Variants in EXT1 observed in about 807,000 individuals in gnomAD.
EXT1 encodes exostosin glycosyltransferase 1.
In EXT1, 20 loss-of-function variants were observed where a neutral mutation model predicts 82.5. That is an observed-to-expected ratio of 0.24 (90% CI 0.17 to 0.35). The LOEUF is 0.35. Among genes scored for constraint, EXT1 ranks in the 10% least tolerant of loss-of-function variants. EXT1 has a pLI of 1.00. For synonymous variants in EXT1, 348 were observed against 350.8 expected, an observed-to-expected ratio of 0.99 and a Z score of 0.09; for missense variants, 757 against 936.5, an observed-to-expected ratio of 0.81 and a Z score of 2.50.
intron 1 of EXT1, among the ~76,000 whole-genome samples, chr8:118,038,861 A>G (rs1271921922): frequency 1.3e-5 from 2 of 152,258 alleles, no homozygotes; most frequent in African/African-American, 4.8e-5. Flanking sequence ...CATGGCCTGA[A>G]CATGGCGTCT....
chr8:117,952,926 T>C (rs1005917330), intron 1 of EXT1, among the ~76,000 whole-genome samples: 10 of 152,356 alleles, frequency 6.6e-5, no homozygotes, highest in Non-Finnish European at 1.3e-4. Flanking sequence ...TATTCATCAA[T>C]TGACATATTA....
At chr8:118,091,676 C>T (rs1299369553) in intron 1 of EXT1, among the ~76,000 whole-genome samples, 4 of 152,072 alleles carry the variant, frequency 2.6e-5, no homozygotes, top group Non-Finnish European at 5.9e-5. Flanking sequence ...ACCTGGGAAG[C>T]GGAGCTTGCA....
At position 117,812,919 on chromosome 8, in the gene EXT1, C is replaced by CTGTGATGA; in HGVS notation, c.1667_1674dup (p.Asp559SerfsTer65). ...TCCTCGTCAAGGCTGAGCACGGCGT[C>CTGTGATGA]TGTGATGATGTTGTCGTAGGGCAGA... On this transcript the variant is annotated frameshift_variant, in exon 8 of 11. Coordinates refer to ENST00000378204, the MANE Select transcript of EXT1 (RefSeq NM_000127.3). LOFTEE classifies it high-confidence loss of function. 1 of 1,614,048 alleles carries CTGTGATGA rather than the reference C, an allele frequency of 6.2e-7. No individual in the cohort carries two copies. Among genetic ancestry groups the CTGTGATGA allele is most frequent in the Non-Finnish European group, 8.5e-7 (1 of 1,180,012 alleles).
At chr8:118,048,997 G>C (rs1353857460) in intron 1 of EXT1, among the ~76,000 whole-genome samples, 10 of 152,028 alleles carry the variant, frequency 6.6e-5, no homozygotes, top group Non-Finnish European at 1.5e-4. Flanking sequence ...CTAAAGCTCT[G>C]ATACCCACTC....
intron 1 of EXT1, among the ~76,000 whole-genome samples, chr8:117,989,080 A>AAT (rs397729959): frequency 6.6e-6 from 1 of 151,226 alleles, no homozygotes; most frequent in Non-Finnish European, 1.5e-5. Flanking sequence ...AAAAAAAAAA[A>AAT]CTATTTTATT....
intron 1 of EXT1, among the ~76,000 whole-genome samples, chr8:117,992,646 T>C (rs531285828): frequency 6.6e-6 from 1 of 152,036 alleles, no homozygotes; most frequent in African/African-American, 2.4e-5. Context: ...GGGCCTCAGC[T>C]GACACTCTTC....
chr8:117,976,055 A>G (rs1815058530), intron 1 of EXT1, among the ~76,000 whole-genome samples: 1 of 152,246 alleles, frequency 6.6e-6, no homozygotes, highest in Non-Finnish European at 1.5e-5. Flanking sequence ...TCAAAATGAC[A>G]TTGGTAACTT....
intron 1 of EXT1, among the ~76,000 whole-genome samples, chr8:117,871,428 A>T (rs940115069): frequency 6.6e-6 from 1 of 152,244 alleles, no homozygotes; most frequent in African/African-American, 2.4e-5. Flanking sequence ...GGGCTTTTGC[A>T]CACATCTGTT....
chr8:117,957,133 T>TAC (rs902104087), intron 1 of EXT1, among the ~76,000 whole-genome samples: 2 of 152,200 alleles, frequency 1.3e-5, no homozygotes, highest in African/African-American at 2.4e-5. Context: ...CACCAAGAGT[T>TAC]ACACACACAA....
intron 1 of EXT1, among the ~76,000 whole-genome samples, chr8:117,838,785 C>T (rs907410053): frequency 6.6e-6 from 1 of 152,060 alleles, no homozygotes; most frequent in Non-Finnish European, 1.5e-5. Context: ...TGCACACACA[C>T]ACACACTCAC....
chr8:118,091,292 T>C (rs1024879261), intron 1 of EXT1, among the ~76,000 whole-genome samples: 1 of 152,188 alleles, frequency 6.6e-6, no homozygotes, highest in African/African-American at 2.4e-5. Flanking sequence ...GCATGAGTTA[T>C]TTCAAAGGTG....
At chr8:117,988,251 C>A (rs1290016377) in intron 1 of EXT1, among the ~76,000 whole-genome samples, 1 of 152,186 alleles carries the variant, frequency 6.6e-6, no homozygotes, top group African/African-American at 2.4e-5. Context: ...CACTGAGTAG[C>A]ATCACATAAT....
rs1475246488 is a variant in EXT1, at chr8:117,819,686, T to C, written c.1526A>G (p.Tyr509Cys). ...CAACTTCCCGCTCACCTGGGCACAG[T>C]ACTGGGACTTGGCTGCAGCCACGAG... ...KLLVAAAKSQYCAQIIVLWNC... is the reference protein window; with the variant it reads ...KLLVAAAKSQCCAQIIVLWNC... The change falls in exon 6 of 11, where the codon TAC (tyrosine) becomes TGC (cysteine). Residue 509 changes from tyrosine (Y) to cysteine (C), a missense_variant. Around this residue, in one of 4 missense-constraint regions of EXT1, gnomAD observed 207 missense variants for 224.2 expected, o/e 0.92. Transcript: ENST00000378204. 6.2e-7 allele frequency: 1 copy of C among 1,612,250 alleles called. No individual in the cohort carries two copies. Among genetic ancestry groups the C allele is most frequent in the Non-Finnish European group, 8.5e-7 (1 of 1,179,946 alleles).
chr8:118,041,773 C>G (rs1250592076), intron 1 of EXT1, among the ~76,000 whole-genome samples: 1 of 151,674 alleles, frequency 6.6e-6, no homozygotes, highest in Non-Finnish European at 1.5e-5. Flanking sequence ...ATGGCGAAAC[C>G]CTGTCTCTAC....
chr8:117,818,216 C>A (rs1220330687), intron 7 of EXT1, among the ~76,000 whole-genome samples: 4 of 152,186 alleles, frequency 2.6e-5, no homozygotes, highest in South Asian at 4.1e-4. Flanking sequence ...AGTATACACA[C>A]AAGGTCACAA....
chr8:117,831,351 A>C (rs1812096023), intron 3 of EXT1, among the ~76,000 whole-genome samples: 2 of 152,220 alleles, frequency 1.3e-5, no homozygotes, highest in South Asian at 4.1e-4. Flanking sequence ...GGAAAACTTA[A>C]TTAATGTAAC....
intron 1 of EXT1, among the ~76,000 whole-genome samples, chr8:117,936,532 G>T (rs909539049): frequency 1.9e-4 from 29 of 152,160 alleles, no homozygotes; most frequent in Non-Finnish European, 4.4e-5. Context: ...CACCACTTGG[G>T]AACTGTCTAT....
In EXT1 at chr8:117,957,479, C is replaced by T. The variant is rs547636441; in HGVS notation, c.963-120278G>A. Among the ~76,000 whole-genome samples the T allele has an allele frequency of 7.6e-4, 115 of 152,310 alleles. 3 individuals carry two copies. The highest frequency in any genetic ancestry group is 6.8e-3 in the Middle Eastern group (2 of 294). ...CGGAATAAACAGGCTGCAGGTCTTA[C>T]GGAGGGAGCCCCAACGGGAGACAGA... On this transcript the variant is annotated intron_variant, in intron 1 of 10. Transcript: ENST00000378204.
chr8:118,053,088 C>G (rs903214379), intron 1 of EXT1, among the ~76,000 whole-genome samples: 8 of 152,326 alleles, frequency 5.3e-5, no homozygotes, highest in East Asian at 1.9e-4. Flanking sequence ...TTTGTTGAAG[C>G]CTGACACATC....
Sources: allele counts gnomAD v4.1 joint callset (sites outside exome capture counted in the v4.1 genomes callset), GRCh38; gene constraint gnomAD v4.1.1; regional missense constraint gnomAD v4.1.1; transcripts MANE v1.5; gene names NCBI Gene and HGNC (gene_info 2026-07-23, HGNC 2026-07-21).